The following GOLM1 variants were observed in gnomAD, a reference collection of about 807,000 sequenced individuals.
GOLM1 encodes epididymis luminal protein 46.
Under a neutral mutation model 50.5 loss-of-function variants are expected in GOLM1, and 31 were observed. The ratio of observed to expected loss-of-function variants is 0.61; its 90% confidence interval spans 0.46 to 0.83. The LOEUF is 0.83. Among genes scored for constraint, GOLM1 ranks in the 40% least tolerant of loss-of-function variants. The pLI is 0.00. For missense variants in GOLM1, 491 were observed against 501.3 expected, an observed-to-expected ratio of 0.98 and a Z score of 0.20; for synonymous variants, 178 against 192.8, an observed-to-expected ratio of 0.92 and a Z score of 0.64.
At position 86,026,289 on chromosome 9, in the gene GOLM1, AAGAGT is replaced by A; in HGVS notation, c.*1523_*1527del. ...AAAGTGAGGCTGGAAGAGGACTTAGAAGAGTATGAAAGTACTCTAAGATTTTATCT... is the reference window on the plus strand; with the variant it reads ...AAAGTGAGGCTGGAAGAGGACTTAGAATGAAAGTACTCTAAGATTTTATCT... On this transcript the variant is annotated 3_prime_UTR_variant, in exon 10 of 10. Coordinates refer to ENST00000388712, the MANE Select transcript of GOLM1 (RefSeq NM_016548.4). 1 of 985,030 alleles carries A rather than the reference AAGAGT, an allele frequency of 1.0e-6. No homozygotes were observed. Among genetic ancestry groups the A allele is most frequent in the Non-Finnish European group, 1.2e-6 (1 of 829,568 alleles). 61.0% of individuals were successfully genotyped at this position (985,030 alleles called of 1,614,324 possible). A position where few individuals can be genotyped will look rare whatever the true frequency, so the allele number is the denominator to read the frequency against.
At chr9:86,036,572 C>A in intron 6 of GOLM1, 65 bp from the exon 7 acceptor site, 1 of 1,532,822 alleles carries the variant, frequency 6.5e-7, no homozygotes, top group Non-Finnish European at 8.9e-7. Context: ...GTAAAAGAAT[C>A]CTACCAATGC....
At chr9:86,071,408 G>A (rs1834443336) in intron 3 of GOLM1, among the ~76,000 whole-genome samples, 1 of 152,058 alleles carries the variant, frequency 6.6e-6, no homozygotes, top group African/African-American at 2.4e-5. Context: ...GTCAGGCATG[G>A]TAGCTCATGC....
chr9:86,097,619 A>G (rs1446433383), intron 1 of GOLM1, among the ~76,000 whole-genome samples: 1 of 152,150 alleles, frequency 6.6e-6, no homozygotes, highest in Non-Finnish European at 1.5e-5. Flanking sequence ...CCTCCCACCA[A>G]TAGTGCCCAT....
At chr9:86,088,375 C>A (rs1835045929) in intron 1 of GOLM1, among the ~76,000 whole-genome samples, 1 of 137,858 alleles carries the variant, frequency 7.3e-6, no homozygotes, top group Non-Finnish European at 1.5e-5. Context: ...TTTTGTTAAT[C>A]TTTTCAAAAA....
intron 3 of GOLM1, among the ~76,000 whole-genome samples, chr9:86,076,016 C>A (rs1423608511): frequency 6.6e-6 from 1 of 152,146 alleles, no homozygotes; most frequent in Admixed American, 6.6e-5. Context: ...TGAGTCCCTT[C>A]CTGGAAATAA....
chr9:86,035,214 G>A (rs545015137), intron 8 of GOLM1, 154 bp downstream of exon 8: 7 of 985,328 alleles, frequency 7.1e-6, no homozygotes, highest in Admixed American at 1.2e-4. Context: ...TCTTGATAAC[G>A]AATAAGAAAC....
chr9:86,072,853 A>G (rs1303011205), intron 3 of GOLM1, among the ~76,000 whole-genome samples: 2 of 152,198 alleles, frequency 1.3e-5, no homozygotes, highest in Non-Finnish European at 2.9e-5. Context: ...CAGGCTACAA[A>G]CCTGTACAGC....
chr9:86,090,435 T>C (rs1033199087), intron 1 of GOLM1, among the ~76,000 whole-genome samples: 1 of 152,144 alleles, frequency 6.6e-6, no homozygotes, highest in African/African-American at 2.4e-5. Flanking sequence ...AGAGATGCCC[T>C]GCTCAGAGAG....
rs1233198681 is a variant in GOLM1, at chr9:86,026,633, C to A, written c.*1184G>T. 1 of 984,696 alleles carries A rather than the reference C, an allele frequency of 1.0e-6. No homozygotes were observed. Among genetic ancestry groups the A allele is most frequent in the African/African-American group, 1.7e-5 (1 of 57,212 alleles). The allele number at this position is 984,696 out of a possible 1,614,324, so 61.0% of individuals were successfully genotyped here. On this transcript the variant is annotated 3_prime_UTR_variant, in exon 10 of 10. Coordinates refer to ENST00000388712, the MANE Select transcript of GOLM1 (RefSeq NM_016548.4). The stretch of plus-strand genomic sequence containing the variant: ...CCCTTAGAGAGCCTTACTGGGAAGT[C>A]AGTCATTAATGATGTGGCCAGTTAT...
At chr9:86,091,053 C>T (rs1378087147) in intron 1 of GOLM1, among the ~76,000 whole-genome samples, 1 of 152,182 alleles carries the variant, frequency 6.6e-6, no homozygotes, top group Non-Finnish European at 1.5e-5. Flanking sequence ...GGCGATGCCC[C>T]ACCCTGCTTC....
chr9:86,076,858 A>C (rs1038539707), intron 3 of GOLM1, among the ~76,000 whole-genome samples: 1 of 138,870 alleles, frequency 7.2e-6, no homozygotes, highest in African/African-American at 2.8e-5. Flanking sequence ...ACTCCATCTC[A>C]AAAAAAAAAA....
intron 3 of GOLM1, among the ~76,000 whole-genome samples, chr9:86,072,400 C>T (rs188555056): frequency 1.0e-3 from 156 of 152,290 alleles, no homozygotes; most frequent in African/African-American, 3.5e-3. Context: ...TGTTGAGAAG[C>T]TCATGCAATG....
intron 6 of GOLM1, among the ~76,000 whole-genome samples, chr9:86,038,495 G>C (rs61579964): frequency 0.08 from 12,145 of 152,190 alleles, 1,333 homozygotes; most frequent in East Asian, 0.36. Flanking sequence ...CGTGGGAGAA[G>C]GAAGCTACTC....
chr9:86,061,783 G>T (rs1834165476), intron 3 of GOLM1, among the ~76,000 whole-genome samples: 3 of 152,222 alleles, frequency 2.0e-5, no homozygotes. Context: ...CTGTGAGTGT[G>T]AGTTGAACTG....
chr9:86,079,152 TA>T, intron 2 of GOLM1, 39 bp downstream of exon 2: 1 of 1,470,562 alleles, frequency 6.8e-7, no homozygotes, highest in East Asian at 2.5e-5. Flanking sequence ...AAACAAAACA[TA>T]AACATAAAAT....
At chr9:86,031,188 C>T (rs1217167306) in intron 9 of GOLM1, among the ~76,000 whole-genome samples, 3 of 151,230 alleles carry the variant, frequency 2.0e-5, no homozygotes, top group Admixed American at 1.3e-4. Flanking sequence ...CCAGCCTGGG[C>T]AACAGAGTGA....
rs1476559661 is a variant in GOLM1, at chr9:86,027,014, G to T, written c.*803C>A. 1.0e-6 allele frequency: 1 copy of T among 985,280 alleles called. No homozygotes were observed. Among genetic ancestry groups the T allele is most frequent in the Non-Finnish European group, 1.2e-6 (1 of 829,908 alleles). 61.0% of individuals were successfully genotyped at this position (985,280 alleles called of 1,614,324 possible). A position where few individuals can be genotyped will look rare whatever the true frequency, so the allele number is the denominator to read the frequency against. On this transcript the variant is annotated 3_prime_UTR_variant, in exon 10 of 10. Transcript: ENST00000388712. ...TCTCACCATGCTCTGCTCCAGGTCA[G>T]CCCCCTTTTGGCCTGTTTGTTTTGT...
chr9:86,090,812 A>AAAAC, intron 1 of GOLM1, among the ~76,000 whole-genome samples: 1 of 147,792 alleles, frequency 6.8e-6, no homozygotes, highest in South Asian at 2.1e-4. Context: ...AAAAAAAAAA[A>AAAAC]AACTCCTGCA....
chr9:86,026,696 T>G lies in GOLM1; in HGVS notation c.*1121A>C. On this transcript the variant is annotated 3_prime_UTR_variant, in exon 10 of 10. Coordinates refer to ENST00000388712, the MANE Select transcript of GOLM1 (RefSeq NM_016548.4). Reference sequence around the variant, plus strand: ...AGAGCCTATTTACCATAAATAATACTAAGAACCAACTCAAGTCAAACCTTA... The same window carrying G: ...AGAGCCTATTTACCATAAATAATACGAAGAACCAACTCAAGTCAAACCTTA... 1 of 982,864 alleles carries G rather than the reference T, an allele frequency of 1.0e-6. No homozygotes were observed. The highest frequency in any genetic ancestry group is 1.2e-6 in the Non-Finnish European group (1 of 827,602). The allele number at this position is 982,864 out of a possible 1,614,324, so 60.9% of individuals were successfully genotyped here. A position where few individuals can be genotyped will look rare whatever the true frequency, so the allele number is the denominator to read the frequency against.
Sources: gnomAD v4.1 joint callset for allele counts (sites outside exome capture counted in the v4.1 genomes callset) on GRCh38, gnomAD v4.1.1 for gene constraint, MANE v1.5 for transcripts, NCBI Gene and HGNC (gene_info 2026-07-23, HGNC 2026-07-21) for gene names.